MGAT4B: variants seen among roughly 807,000 people sequenced by gnomAD.
MGAT4B encodes the protein N-acetylglucosaminyltransferase IVb.
Under a neutral mutation model 73.9 loss-of-function variants are expected in MGAT4B, and 38 were observed. The ratio of observed to expected loss-of-function variants is 0.51; its 90% CI spans 0.40 to 0.67. The LOEUF (loss-of-function observed/expected upper bound fraction) is 0.67, where lower values mean the gene tolerates loss of function less well. Among genes scored for constraint, MGAT4B ranks in the 30% least tolerant of loss-of-function variants. MGAT4B has a pLI of 0.00. For synonymous variants in MGAT4B, 373 were observed against 313.5 expected (o/e 1.19, Z -2.01); for missense variants, 686 against 735.2 (o/e 0.93, Z 0.77).
chr5:179,799,863 A>G (rs1756828714), intron 8 of MGAT4B, 91 bp downstream of exon 8: 2 of 1,375,612 alleles, frequency 1.5e-6, no homozygotes, highest in Non-Finnish European at 2.1e-6. Context: ...CACCTGGGCA[A>G]AGGCTCACAG....
In MGAT4B at chr5:179,801,277, T is replaced by C; in HGVS notation, c.558+57A>G. ...CCTCGGAATGGTTCCTGCTGTCAGT[T>C]CTGCACCGCGGGGGCTCCTCTGAAT... On this transcript the variant is annotated intron_variant, in intron 4 of 14. Coordinates refer to ENST00000292591, the MANE Select transcript of MGAT4B (RefSeq NM_014275.5). This position sits in a 1 kb window ranked among gnomAD's most constrained non-coding sequence, Gnocchi z 4.8. The C allele has an allele frequency of 6.4e-7, 1 of 1,557,096 alleles. No individual in the cohort carries two copies. The highest frequency in any genetic ancestry group is 1.3e-5 in the African/African-American group (1 of 74,156).
rs541664396 is a variant in MGAT4B, at chr5:179,800,874, C to T, written c.605+33G>A. 1.8e-5 allele frequency: 29 copies of T among 1,611,446 alleles called. No individual in the cohort carries two copies. The African/African-American group carries it at 2.3e-4, about 13-fold the overall frequency. On this transcript the variant is annotated intron_variant, in intron 5 of 14. Transcript: ENST00000292591. ...CACAACACCCCGCACCGAGCTCTCC[C>T]GCCACCAGCTCTCTGGGGTCGCCAG...
rs761890205 is a variant in MGAT4B, at chr5:179,799,332, C to G, written c.1042-22G>C. 1.9e-6 allele frequency: 3 copies of G among 1,611,706 alleles called. No homozygotes were observed. The African/African-American group carries it at 4.0e-5, about 22-fold the overall frequency. On this transcript the variant is annotated intron_variant, in intron 9 of 14. Transcript: ENST00000292591. ...GCTTCTGTGGAGGGTGGGCAACACC[C>G]CAGGGCTCGGCTTAGCCCTCCTTCC...
intron 1 of MGAT4B, among the ~76,000 whole-genome samples, chr5:179,804,002 G>C (rs1351805434): frequency 6.6e-6 from 1 of 152,198 alleles, no homozygotes; most frequent in African/African-American, 2.4e-5. Flanking sequence ...GCTCAGGTGA[G>C]GAGAGGGACC....
Position 179,799,282 on chromosome 5 carries a change from A to AG in MGAT4B, c.1069dup (p.Leu357ProfsTer206). ...GAGGGACGGTTTGAAGCGGATCCGC[A>AG]GGTTGGCTTTCTGCCGGTCACAGTG... On this transcript the variant is annotated frameshift_variant, in exon 10 of 15. Transcript: ENST00000292591. LOFTEE classifies it high-confidence loss of function. The AG allele has an allele frequency of 6.2e-7, 1 of 1,613,878 alleles. No homozygotes were observed. The highest frequency in any genetic ancestry group is 8.5e-7 in the Non-Finnish European group (1 of 1,180,008).
chr5:179,802,568 G>T, intron 1 of MGAT4B: 1 of 994,488 alleles, frequency 1.0e-6, no homozygotes. Context: ...ACAGTCAACA[G>T]CAGCGAGGGG....
Position 179,800,499 on chromosome 5 carries a change from G to T in MGAT4B, c.704C>A (p.Pro235His). The change falls in exon 6 of 15, where the codon CCC (proline) becomes CAC (histidine). Residue 235 changes from proline to histidine, a missense_variant. This residue lies in a region of MGAT4B where 449 missense variants were observed against 536.8 expected (regional missense o/e 0.84). Transcript: ENST00000292591. ...TAACTAGTACCTGACTCTCTCCTTG[G>T]GGTCCCCAAAGGACTCTCGGAGGCG... ...FSRLRESFGD[P>H]KERVRWRTKQ... 2 of 1,608,106 alleles carry T rather than the reference G, an allele frequency of 1.2e-6. No homozygotes were observed. Among genetic ancestry groups the T allele is most frequent in the East Asian group, 2.2e-5 (1 of 44,770 alleles).
intron 1 of MGAT4B, chr5:179,802,801 A>G (rs1248082809): frequency 1.0e-6 from 1 of 985,444 alleles, no homozygotes; most frequent in East Asian, 1.1e-4. Context: ...TGAGATCAAC[A>G]ACCTCCTGGT....
intron 5 of MGAT4B, 89 bp from the exon 6 acceptor site, chr5:179,800,686 A>G: frequency 8.9e-7 from 1 of 1,126,256 alleles, no homozygotes; most frequent in Non-Finnish European, 1.3e-6. Context: ...CTTGAGGCTC[A>G]CCCAGTGCCA....
intron 6 of MGAT4B, 89 bp downstream of exon 6, chr5:179,800,395 G>T (rs1756860538): frequency 1.4e-6 from 2 of 1,419,140 alleles, no homozygotes; most frequent in Non-Finnish European, 2.0e-6. Flanking sequence ...TCAGGGCACT[G>T]CAGGGAAACA....
In MGAT4B at chr5:179,801,023, G is replaced by A. The variant is rs1394650263; in HGVS notation, c.559-70C>T. 3 of 1,566,578 alleles carry A rather than the reference G, an allele frequency of 1.9e-6. No homozygotes were observed. The highest frequency in any genetic ancestry group is 1.1e-5 in the South Asian group (1 of 89,908). ...AAAAGGCCTGGAAGGGCTTGGAGAA[G>A]GGGCACAGGCTTCAGATGCCCCCCA... On this transcript the variant is annotated intron_variant, in intron 4 of 14. Coordinates refer to ENST00000292591, the MANE Select transcript of MGAT4B (RefSeq NM_014275.5). The surrounding 1 kb of genome is among the most constrained non-coding windows in gnomAD (Gnocchi z 4.8).
chr5:179,802,346 C>G, intron 1 of MGAT4B: 1 of 1,333,472 alleles, frequency 7.5e-7, no homozygotes, highest in Non-Finnish European at 9.6e-7. Flanking sequence ...TTGCTTTTTG[C>G]AGCACACGCT....
At position 179,806,471 on chromosome 5, in the gene MGAT4B, C is replaced by T; in HGVS notation, c.97+16G>A. ...CCAGGTGCGCCAGGTGCGGGCCGGG[C>T]GGGGGTCGCGCTCACCTTTCTGGCC... On this transcript the variant is annotated intron_variant, in intron 1 of 14. Transcript: ENST00000292591. This position sits in a 1 kb window ranked among gnomAD's most constrained non-coding sequence, Gnocchi z 4.6. The T allele has an allele frequency of 1.6e-6, 2 of 1,266,514 alleles. No homozygotes were observed. Among genetic ancestry groups the T allele is most frequent in the Non-Finnish European group, 1.0e-6 (1 of 979,364 alleles). The allele number at this position is 1,266,514 out of a possible 1,614,324, so 78.5% of individuals were successfully genotyped here.
chr5:179,801,566 C>T lies in MGAT4B; in HGVS notation c.412G>A (p.Gly138Ser). 1 of 1,608,630 alleles carries T rather than the reference C, an allele frequency of 6.2e-7. No homozygotes were observed. Residue 138 changes from glycine (G) to serine (S), a missense_variant, in exon 3 of 15, where the codon GGC becomes AGC. By Grantham distance (56) the Gly-to-Ser change is moderately conservative. This residue lies in a region of MGAT4B where 237 missense variants were observed against 198.5 expected (regional missense o/e 1.19). Transcript: ENST00000292591. The surrounding 1 kb of genome is among the most constrained non-coding windows in gnomAD (Gnocchi z 4.8). ...SLQPAVRVGQ[G>S]RTGVSVVMGI... ...TCTGCGCCCATACCTCCGGTGCGGC[C>T]CTGGCCCACGCGCACCGCGGGCTGC... is the stretch of plus-strand genomic sequence containing the variant.
rs1414987631 is a variant in MGAT4B, at chr5:179,801,239, C to CCGA, written c.558+92_558+94dup. Reference sequence around the variant, plus strand: ...GCGAATGAAACTAGCAACTGAACTTCCGACAGCTTTCTCCTCGGAATGGTT... The same window carrying CCGA: ...GCGAATGAAACTAGCAACTGAACTTCCGACGACAGCTTTCTCCTCGGAATGGTT... On this transcript the variant is annotated intron_variant, in intron 4 of 14. Transcript: ENST00000292591. This position sits in a 1 kb window ranked among gnomAD's most constrained non-coding sequence, Gnocchi z 4.8. 17 of 1,457,848 alleles carry CCGA rather than the reference C, an allele frequency of 1.2e-5. No individual in the cohort carries two copies. Among genetic ancestry groups the CCGA allele is most frequent in the Non-Finnish European group, 1.5e-5 (17 of 1,099,900 alleles). The allele number at this position is 1,457,848 out of a possible 1,614,324, so 90.3% of individuals were successfully genotyped here.
chr5:179,799,254 G>C lies in MGAT4B; in HGVS notation c.1098C>G (p.Phe366Leu). The C allele has an allele frequency of 2.5e-6, 4 of 1,614,034 alleles. No individual in the cohort carries two copies. The highest frequency in any genetic ancestry group is 3.4e-6 in the Non-Finnish European group (4 of 1,180,034). The change falls in exon 10 of 15, where the codon TTC (phenylalanine) becomes TTG (leucine). Residue 366 changes from phenylalanine to leucine, a missense_variant. Phe to Leu is a conservative substitution (Grantham distance 22, BLOSUM62 0). This residue lies in a region of MGAT4B where 449 missense variants were observed against 536.8 expected (regional missense o/e 0.84). Coordinates refer to ENST00000292591, the MANE Select transcript of MGAT4B (RefSeq NM_014275.5). ...GCGAGGAGTGAGTGCCCACGTGCTGGAAGAGGGACGGTTTGAAGCGGATCC... is the reference window on the plus strand; with the variant it reads ...GCGAGGAGTGAGTGCCCACGTGCTGCAAGAGGGACGGTTTGAAGCGGATCC... ...NLRIRFKPSL[F>L]QHVGTHSSLA...
At chr5:179,802,466 G>T in intron 1 of MGAT4B, 1 of 1,041,630 alleles carries the variant, frequency 9.6e-7, no homozygotes, top group Admixed American at 4.9e-5. Context: ...GATGGCCCCG[G>T]GGGGTGGCTG....
chr5:179,800,551 A>T lies in MGAT4B; in HGVS notation c.652T>A (p.Ser218Thr). The change falls in exon 6 of 15, where the codon TCC (serine) becomes ACC (threonine). Residue 218 changes from serine (S) to threonine (T), a missense_variant. Physicochemically the swap from Ser to Thr is moderately conservative, Grantham distance 58 (BLOSUM62 1). Coordinates refer to ENST00000292591, the MANE Select transcript of MGAT4B (RefSeq NM_014275.5). The stretch of plus-strand genomic sequence containing the variant: ...GAGAAGTCAGGGTAGAAGTGGGGGG[A>T]GGGTGAGATGACCTCCAGGAGCCCA... The part of the protein sequence containing the change: ...HSGLLEVISP[S>T]PHFYPDFSRL... 1.9e-6 allele frequency: 3 copies of T among 1,611,428 alleles called. No individual in the cohort carries two copies. Among genetic ancestry groups the T allele is most frequent in the Non-Finnish European group, 2.5e-6 (3 of 1,179,374 alleles).
At position 179,797,861 on chromosome 5, in the gene MGAT4B, G is replaced by T; in HGVS notation, c.*184C>A. On this transcript the variant is annotated 3_prime_UTR_variant, in exon 15 of 15. Coordinates refer to ENST00000292591, the MANE Select transcript of MGAT4B (RefSeq NM_014275.5). ...CGCCTGCCTCCTCCGCGGCCCGGCG[G>T]GCGGGGGCAGCACCAGCTCCTAGGG... 1.2e-6 allele frequency: 1 copy of T among 803,092 alleles called. No individual in the cohort carries two copies. Among genetic ancestry groups the T allele is most frequent in the Non-Finnish European group, 1.9e-6 (1 of 528,896 alleles). 49.7% of individuals were successfully genotyped at this position (803,092 alleles called of 1,614,324 possible). A position where few individuals can be genotyped will look rare whatever the true frequency, so the allele number is the denominator to read the frequency against.
Sources: allele counts gnomAD v4.1 joint callset (sites outside exome capture counted in the v4.1 genomes callset), GRCh38; gene constraint gnomAD v4.1.1; regional missense constraint gnomAD v4.1.1; non-coding constraint Gnocchi (gnomAD v3.1); transcripts MANE v1.5; gene names NCBI Gene and HGNC (gene_info 2026-07-23, HGNC 2026-07-21).